The following ATP2C2 variants were observed in gnomAD, a reference collection of about 807,000 sequenced individuals.
ATP2C2 encodes the protein calcium-transporting ATPase type 2C member 2.
ATP2C2 carries 171 observed loss-of-function variants against 110.8 expected under a neutral mutation model. The ratio of observed to expected loss-of-function variants is 1.54; its 90% CI spans 1.36 to 1.75. The LOEUF (loss-of-function observed/expected upper bound fraction) is 1.75, where lower values mean the gene tolerates loss of function less well. Among genes scored for constraint, ATP2C2 ranks in the 40% most tolerant of loss-of-function variants. The probability of loss-of-function intolerance (pLI) is 0.00; values close to 1 mark genes in which losing one functional copy is unlikely to be tolerated. For synonymous variants in ATP2C2, 804 were observed against 508.4 expected (o/e 1.58, Z -7.82); for missense variants, 1,963 against 1,235.0 (o/e 1.59, Z -8.84).
intron 1 of ATP2C2, among the ~76,000 whole-genome samples, chr16:84,371,880 A>G (rs1274158670): frequency 6.6e-6 from 1 of 152,208 alleles, no homozygotes; most frequent in Non-Finnish European, 1.5e-5. Context: ...TGGGGCTGAT[A>G]AGGATGCACA....
intron 11 of ATP2C2, among the ~76,000 whole-genome samples, chr16:84,429,100 C>T (rs1167131826): frequency 6.6e-6 from 1 of 151,988 alleles, no homozygotes; most frequent in African/African-American, 2.4e-5. Context: ...TTGGGGCTTT[C>T]TGGCTTAATA....
chr16:84,412,985 G>A (rs529005928), intron 6 of ATP2C2, among the ~76,000 whole-genome samples: 2 of 152,056 alleles, frequency 1.3e-5, no homozygotes, highest in African/African-American at 4.8e-5. Flanking sequence ...TGTAATCCCA[G>A]CTACTTGGGA....
intron 14 of ATP2C2, among the ~76,000 whole-genome samples, chr16:84,441,205 G>A (rs1287130037): frequency 1.3e-5 from 2 of 152,250 alleles, no homozygotes; most frequent in East Asian, 1.9e-4. Flanking sequence ...GGCCAAGGCA[G>A]GAGAATCACT....
At chr16:84,449,691 G>T (rs1910080391) in intron 17 of ATP2C2, among the ~76,000 whole-genome samples, 2 of 152,194 alleles carry the variant, frequency 1.3e-5, no homozygotes, top group Non-Finnish European at 2.9e-5. Context: ...CCAGCGACGG[G>T]GCTGTGGCGT....
At chr16:84,434,111 A>G (rs1567721284) in intron 11 of ATP2C2, among the ~76,000 whole-genome samples, 1 of 152,148 alleles carries the variant, frequency 6.6e-6, no homozygotes, top group Non-Finnish European at 1.5e-5. Flanking sequence ...TAAAACTTTA[A>G]GAACTTTTTT....
chr16:84,391,003 A>C (rs542635731), intron 1 of ATP2C2, among the ~76,000 whole-genome samples: 29 of 149,608 alleles, frequency 1.9e-4, no homozygotes, highest in African/African-American at 6.7e-4. Flanking sequence ...AATCCCAGCT[A>C]CTCGAGTGGG....
At chr16:84,432,833 T>C (rs1360067631) in intron 11 of ATP2C2, among the ~76,000 whole-genome samples, 6 of 152,050 alleles carry the variant, frequency 3.9e-5, no homozygotes, top group Admixed American at 3.3e-4. Flanking sequence ...GACTCATATT[T>C]CTAACAAGCT....
chr16:84,440,894 GTC>G lies in ATP2C2; in HGVS notation c.1249_1250del (p.Leu417SerfsTer8). 1 of 1,613,630 alleles carries G rather than the reference GTC, an allele frequency of 6.2e-7. No individual in the cohort carries two copies. The highest frequency in any genetic ancestry group is 8.5e-7 in the Non-Finnish European group (1 of 1,179,968). ...GGGTATGACGGTCAAGGGACTGTGT[GTC>G]TTCTACCATCCAAGGAAGTCATTAA... On this transcript the variant is annotated frameshift_variant, in exon 14 of 27. Coordinates refer to ENST00000262429, the MANE Select transcript of ATP2C2 (RefSeq NM_014861.4). LOFTEE classifies it high-confidence loss of function.
intron 6 of ATP2C2, among the ~76,000 whole-genome samples, chr16:84,415,075 C>G (rs941878922): frequency 3.3e-5 from 5 of 152,104 alleles, no homozygotes; most frequent in African/African-American, 1.2e-4. Flanking sequence ...TGGGCTTCCT[C>G]CCAGCTGTGA....
intron 6 of ATP2C2, among the ~76,000 whole-genome samples, chr16:84,412,392 CTGTGTG>C (rs1269805976): frequency 1.6e-5 from 2 of 125,572 alleles, no homozygotes; most frequent in South Asian, 5.1e-4. Context: ...GTATATGTGT[CTGTGTG>C]TGTCTGTGCA....
intron 11 of ATP2C2, among the ~76,000 whole-genome samples, chr16:84,434,225 G>T (rs12448663): frequency 1.3e-5 from 2 of 151,462 alleles, no homozygotes; most frequent in Non-Finnish European, 2.9e-5. Context: ...AGATCATCCC[G>T]GCCCACATTG....
At chr16:84,436,298 A>G (rs1908730801) in intron 11 of ATP2C2, among the ~76,000 whole-genome samples, 1 of 152,204 alleles carries the variant, frequency 6.6e-6, no homozygotes, top group African/African-American at 2.4e-5. Flanking sequence ...AGCACTGTGC[A>G]TTGCTGTGGT....
chr16:84,459,552 G>A, intron 23 of ATP2C2, 166 bp downstream of exon 23: 2 of 1,538,394 alleles, frequency 1.3e-6, no homozygotes, highest in Non-Finnish European at 1.7e-6. Flanking sequence ...GAGACTGGGA[G>A]TAGAAGGCAG....
At chr16:84,462,374 A>T in intron 26 of ATP2C2, 1 of 452,592 alleles carries the variant, frequency 2.2e-6, no homozygotes, top group Non-Finnish European at 3.9e-6. Flanking sequence ...CTGGGGCCCA[A>T]GGGGCACCGG....
intron 23 of ATP2C2, chr16:84,460,019 A>G (rs1255931915): frequency 9.0e-6 from 2 of 221,610 alleles, no homozygotes; most frequent in Non-Finnish European, 1.8e-5. Flanking sequence ...CCGTATGAGC[A>G]CAGAGCCAGT....
Position 84,462,051 on chromosome 16 carries a change from T to TCCATCCTGGGGC in ATP2C2, c.2645_2656dup (p.Gly885_Gln886insProIleLeuGly), listed in dbSNP as rs1314723843. On this transcript the variant is annotated inframe_insertion, in exon 26 of 27. Coordinates refer to ENST00000262429, the MANE Select transcript of ATP2C2 (RefSeq NM_014861.4). ...CATGTTCCTCTACTCCGTCCTGGGG[T>TCCATCCTGGGGC]CCATCCTGGGGCAGCTGGCGGTCAT... The TCCATCCTGGGGC allele has an allele frequency of 3.7e-6, 6 of 1,613,902 alleles. No homozygotes were observed. The highest frequency in any genetic ancestry group is 8.5e-7 in the Non-Finnish European group (1 of 1,179,958).
At chr16:84,459,049 C>T (rs1910974599) in intron 21 of ATP2C2, 71 bp from the exon 22 acceptor site, 1 of 1,543,252 alleles carries the variant, frequency 6.5e-7, no homozygotes, top group African/African-American at 1.4e-5. Context: ...CTGCCCCTTG[C>T]AGCAACCGAT....
chr16:84,452,962 G>A (rs567997086), intron 18 of ATP2C2, among the ~76,000 whole-genome samples, 176 bp from the exon 19 acceptor site: 7 of 152,118 alleles, frequency 4.6e-5, no homozygotes, highest in Admixed American at 1.3e-4. Context: ...ATAATGAGGC[G>A]TTTGGTGTAA....
chr16:84,454,840 T>G lies in ATP2C2; in HGVS notation c.2003T>G (p.Ile668Ser), dbSNP rs368666853. 1.3e-5 allele frequency: 21 copies of G among 1,611,302 alleles called. No individual in the cohort carries two copies. The highest frequency in any genetic ancestry group is 1.7e-5 in the Non-Finnish European group (20 of 1,178,858). The change falls in exon 21 of 27, where the codon ATC becomes AGC. Residue 668 changes from isoleucine (I) to serine (S), a missense_variant. By Grantham distance (142) the Ile-to-Ser change is moderately radical. Transcript: ENST00000262429. The stretch of plus-strand genomic sequence containing the variant: ...AAGGCTCTGCAGGAGTCAGGGGCGA[T>G]CGTGGCCATGACTGGGGATGGGGTG... ...IIKALQESGA[I>S]VAMTGDGVND...
Sources: gnomAD v4.1 joint callset for allele counts (sites outside exome capture counted in the v4.1 genomes callset) on GRCh38, gnomAD v4.1.1 for gene constraint, MANE v1.5 for transcripts, NCBI Gene and HGNC (gene_info 2026-07-23, HGNC 2026-07-21) for gene names.